Variants in C1QTNF3 observed in about 807,000 individuals in gnomAD.
C1QTNF3 encodes the protein complement C1q tumor necrosis factor-related protein 3.
C1QTNF3 carries 26 observed loss-of-function variants against 32.6 expected under a neutral mutation model. The observed-to-expected ratio is 0.80, with a 90% CI of 0.58 to 1.11. C1QTNF3 has a LOEUF of 1.11. Ranked by LOEUF, C1QTNF3 falls within the 50% of genes least tolerant of loss-of-function variation. The pLI is 0.00. For missense variants in C1QTNF3, 362 were observed against 398.2 expected, an observed-to-expected ratio of 0.91 and a Z score of 0.77; for synonymous variants, 155 against 146.0, an observed-to-expected ratio of 1.06 and a Z score of -0.44.
the C1QTNF3 span, among the ~76,000 whole-genome samples, chr5:34,113,893 C>T: frequency 6.6e-6 from 1 of 152,152 alleles, no homozygotes; most frequent in Non-Finnish European, 1.5e-5. Context: ...AAAATGAGAG[C>T]ATCCAAATCA....
At chr5:34,048,266 GTGTGTGTA>G in the C1QTNF3 span, among the ~76,000 whole-genome samples, 1 of 142,650 alleles carries the variant, frequency 7.0e-6, no homozygotes, top group African/African-American at 2.8e-5. Flanking sequence ...ATGGTAGTGT[GTGTGTGTA>G]TGTGTGTGTG....
chr5:34,161,265 C>G, the C1QTNF3 span, among the ~76,000 whole-genome samples: 6 of 152,102 alleles, frequency 3.9e-5, no homozygotes, highest in Non-Finnish European at 7.3e-5. Flanking sequence ...CAGAGCCGAA[C>G]TTTATGAAAT....
At chr5:34,177,699 A>G in the C1QTNF3 span, among the ~76,000 whole-genome samples, 5 of 151,324 alleles carry the variant, frequency 3.3e-5, no homozygotes, top group African/African-American at 9.7e-5. Flanking sequence ...ATGTTGGTCA[A>G]GCTGGACTTG....
At chr5:34,029,629 T>C (rs1754561680) in intron 3 of C1QTNF3, among the ~76,000 whole-genome samples, 1 of 152,188 alleles carries the variant, frequency 6.6e-6, no homozygotes, top group Non-Finnish European at 1.5e-5. Context: ...AGTCATTGTG[T>C]GGGCAATTCA....
At chr5:34,074,948 A>G in the C1QTNF3 span, among the ~76,000 whole-genome samples, 1 of 151,958 alleles carries the variant, frequency 6.6e-6, no homozygotes, top group South Asian at 2.1e-4. Context: ...GAAAGTGTAT[A>G]TTTGGATTTC....
chr5:34,141,809 T>C, the C1QTNF3 span, among the ~76,000 whole-genome samples: 1 of 152,138 alleles, frequency 6.6e-6, no homozygotes, highest in South Asian at 2.1e-4. Flanking sequence ...TCTGGGTGCT[T>C]TCTTGCATTT....
the C1QTNF3 span, among the ~76,000 whole-genome samples, chr5:34,050,755 A>G: frequency 6.6e-6 from 1 of 152,104 alleles, no homozygotes; most frequent in African/African-American, 2.4e-5. Flanking sequence ...TCCTCTCACC[A>G]CCACTTGAGA....
the C1QTNF3 span, among the ~76,000 whole-genome samples, chr5:34,147,187 G>A: frequency 6.6e-6 from 1 of 152,172 alleles, no homozygotes; most frequent in African/African-American, 2.4e-5. Flanking sequence ...TGGAGAATAG[G>A]GAATGCGCAT....
the C1QTNF3 span, among the ~76,000 whole-genome samples, chr5:34,159,820 ATAAT>A: frequency 1.3e-5 from 2 of 151,654 alleles, no homozygotes; most frequent in African/African-American, 4.9e-5. Context: ...AAAAATTTAG[ATAAT>A]TAAAGCATTA....
chr5:34,177,679 G>T, the C1QTNF3 span, among the ~76,000 whole-genome samples: 1 of 151,292 alleles, frequency 6.6e-6, no homozygotes, highest in African/African-American at 2.4e-5. Context: ...AGTAGAGACG[G>T]GGTTTCACCA....
the C1QTNF3 span, among the ~76,000 whole-genome samples, chr5:34,051,065 GA>G: frequency 1.3e-5 from 2 of 152,180 alleles, no homozygotes; most frequent in Non-Finnish European, 2.9e-5. Flanking sequence ...GGAATTTTGG[GA>G]AGGACTCCTT....
the C1QTNF3 span, among the ~76,000 whole-genome samples, chr5:34,140,638 T>G: frequency 6.6e-6 from 1 of 152,222 alleles, no homozygotes; most frequent in African/African-American, 2.4e-5. Flanking sequence ...AGGACATCCC[T>G]ATGGGGATTA....
the C1QTNF3 span, among the ~76,000 whole-genome samples, chr5:34,062,062 T>A: frequency 6.6e-6 from 1 of 152,208 alleles, no homozygotes; most frequent in Non-Finnish European, 1.5e-5. Context: ...AAATTTCTTC[T>A]ACCAGATACC....
At chr5:34,094,416 C>T in the C1QTNF3 span, among the ~76,000 whole-genome samples, 10 of 152,186 alleles carry the variant, frequency 6.6e-5, no homozygotes, top group Admixed American at 3.3e-4. Flanking sequence ...TCTTTGTACC[C>T]ATGTGGAGAG....
At chr5:34,133,105 T>C in the C1QTNF3 span, among the ~76,000 whole-genome samples, 1 of 152,204 alleles carries the variant, frequency 6.6e-6, no homozygotes, top group African/African-American at 2.4e-5. Context: ...ATATTAACAG[T>C]GTGAAAGGAC....
At chr5:34,083,805 T>C in the C1QTNF3 span, among the ~76,000 whole-genome samples, 1 of 151,910 alleles carries the variant, frequency 6.6e-6, no homozygotes, top group Non-Finnish European at 1.5e-5. Context: ...ACAATCATAA[T>C]ACATGTTTAT....
At chr5:34,182,176 T>C in the C1QTNF3 span, among the ~76,000 whole-genome samples, 68 of 152,402 alleles carry the variant, frequency 4.5e-4, no homozygotes, top group African/African-American at 1.6e-3. Context: ...TGCATCATCA[T>C]GCCCTGCAAA....
the C1QTNF3 span, among the ~76,000 whole-genome samples, chr5:34,221,884 G>A: frequency 0.55 from 84,023 of 151,782 alleles, 25,721 homozygotes; most frequent in East Asian, 0.94. Flanking sequence ...CCAAGCAGCC[G>A]GTCATTTTTC....
the C1QTNF3 span, among the ~76,000 whole-genome samples, chr5:34,143,137 G>A: frequency 4.6e-5 from 7 of 152,214 alleles, no homozygotes; most frequent in Admixed American, 2.6e-4. Flanking sequence ...ATATATAATC[G>A]GAAGTATTAA....
Sources: gnomAD v4.1 joint callset for allele counts (sites outside exome capture counted in the v4.1 genomes callset) on GRCh38, gnomAD v4.1.1 for gene constraint, MANE v1.5 for transcripts, NCBI Gene and HGNC (gene_info 2026-07-23, HGNC 2026-07-21) for gene names.